The following SH3BGRL2 variants were observed in gnomAD, a reference collection of about 807,000 sequenced individuals.
SH3BGRL2 encodes SH3 domain binding glutamate rich protein like 2.
SH3BGRL2 carries 21 observed loss-of-function variants against 14.8 expected under a neutral mutation model. That is an observed-to-expected ratio of 1.42 (90% CI 1.01 to 2.05). SH3BGRL2 has a LOEUF of 2.05. Ranked by LOEUF, SH3BGRL2 falls within the 30% of genes most tolerant of loss-of-function variation. SH3BGRL2 has a pLI of 0.00. For synonymous variants in SH3BGRL2, 50 were observed against 47.8 expected, an observed-to-expected ratio of 1.05 and a Z score of -0.19; for missense variants, 147 against 130.8, an observed-to-expected ratio of 1.12 and a Z score of -0.61.
the SH3BGRL2 span, among the ~76,000 whole-genome samples, chr6:79,554,578 A>T: frequency 6.6e-6 from 1 of 152,206 alleles, no homozygotes; most frequent in Admixed American, 6.5e-5. Flanking sequence ...AATCCAGTCA[A>T]TTGGAATGTA....
At chr6:79,615,817 CTT>C in the SH3BGRL2 span, among the ~76,000 whole-genome samples, 74 of 124,282 alleles carry the variant, frequency 6.0e-4, 1 homozygote, top group Admixed American at 5.2e-3. Context: ...CCACTCCTGC[CTT>C]TTTTTTTTCT....
chr6:79,589,209 T>A, the SH3BGRL2 span, among the ~76,000 whole-genome samples: 30,739 of 146,286 alleles, frequency 0.21, 3,317 homozygotes, highest in Middle Eastern at 0.41. Flanking sequence ...TATATATATT[T>A]TTTTTTTTTG....
chr6:79,667,907 C>G (rs1300204392), intron 1 of SH3BGRL2, among the ~76,000 whole-genome samples: 2 of 152,186 alleles, frequency 1.3e-5, no homozygotes, highest in Admixed American at 6.5e-5. Context: ...CCACCTCCCC[C>G]CAGTTTTCCT....
In SH3BGRL2 at chr6:79,703,298, C is replaced by T. The variant is rs1347194067; in HGVS notation, c.*3789C>T. 3.9e-5 allele frequency: 6 copies of T among 152,040 alleles called. No individual in the cohort carries two copies. The highest frequency in any genetic ancestry group is 7.4e-5 in the Non-Finnish European group (5 of 67,994). The allele number at this position is 152,040 out of a possible 1,614,324, so 9.4% of individuals were successfully genotyped here. ...TAGAGTGGAGGTAAATTAAGAGCCT[C>T]CAGGCTGTGATTCACCATTTGAGAC... On this transcript the variant is annotated 3_prime_UTR_variant, in exon 4 of 4. Transcript: ENST00000369838.
the SH3BGRL2 span, among the ~76,000 whole-genome samples, chr6:79,584,427 A>G: frequency 6.6e-6 from 1 of 152,214 alleles, no homozygotes; most frequent in Admixed American, 6.6e-5. Flanking sequence ...AATGTAAAAG[A>G]GTCCACTGCC....
In SH3BGRL2 at chr6:79,673,607, T is replaced by C. The variant is rs1439412579; in HGVS notation, c.46-7T>C. On this transcript the variant is annotated splice_polypyrimidine_tract_variant and splice_region_variant and intron_variant, in intron 1 of 3. Coordinates refer to ENST00000369838, the MANE Select transcript of SH3BGRL2 (RefSeq NM_031469.4). Reference sequence around the variant, plus strand: ...TATCTACTTATTTGTTTGTCTTCTCTCTTTAGATAAAGAAGAAGCAGCAAG... The same window carrying C: ...TATCTACTTATTTGTTTGTCTTCTCCCTTTAGATAAAGAAGAAGCAGCAAG... 2.5e-6 allele frequency: 4 copies of C among 1,613,464 alleles called. No homozygotes were observed. The East Asian group carries it at 6.7e-5, about 27-fold the overall frequency.
intron 2 of SH3BGRL2, among the ~76,000 whole-genome samples, chr6:79,675,415 C>T (rs966246514): frequency 3.9e-5 from 6 of 152,152 alleles, no homozygotes; most frequent in Non-Finnish European, 5.9e-5. Context: ...ACATTCACCA[C>T]ATCTTTTGGT....
At chr6:79,613,217 T>A in the SH3BGRL2 span, among the ~76,000 whole-genome samples, 9 of 152,196 alleles carry the variant, frequency 5.9e-5, no homozygotes, top group African/African-American at 2.2e-4. Context: ...AATCTGCAGC[T>A]CAAAAGGAGA....
intron 2 of SH3BGRL2, among the ~76,000 whole-genome samples, chr6:79,682,813 A>G (rs1770013338): frequency 6.6e-6 from 1 of 152,248 alleles, no homozygotes; most frequent in African/African-American, 2.4e-5. Flanking sequence ...AATGTCCATC[A>G]ATGATAGACT....
At chr6:79,659,871 A>G (rs919639649) in intron 1 of SH3BGRL2, among the ~76,000 whole-genome samples, 1 of 151,870 alleles carries the variant, frequency 6.6e-6, no homozygotes, top group Non-Finnish European at 1.5e-5. Flanking sequence ...TGTAAGTTGG[A>G]TTCCTAGGTA....
the SH3BGRL2 span, among the ~76,000 whole-genome samples, chr6:79,553,416 C>G: frequency 2.0e-5 from 3 of 152,318 alleles, no homozygotes; most frequent in Non-Finnish European, 4.4e-5. Context: ...AGTTCATCAT[C>G]TCAATAAAAA....
chr6:79,577,989 G>T, the SH3BGRL2 span, among the ~76,000 whole-genome samples: 1 of 152,218 alleles, frequency 6.6e-6, no homozygotes, highest in Admixed American at 6.5e-5. Flanking sequence ...GGACCGGTGG[G>T]TCCCAGGCCC....
chr6:79,615,833 T>TTTC, the SH3BGRL2 span, among the ~76,000 whole-genome samples: 4 of 33,642 alleles, frequency 1.2e-4, no homozygotes, highest in African/African-American at 2.1e-4. Flanking sequence ...TTTTTCTTTC[T>TTTC]TTTTTTTTTT....
At chr6:79,583,422 C>T in the SH3BGRL2 span, among the ~76,000 whole-genome samples, 1 of 152,124 alleles carries the variant, frequency 6.6e-6, no homozygotes, top group Non-Finnish European at 1.5e-5. Flanking sequence ...GAAAATGTGG[C>T]ATATATACAC....
At chr6:79,559,415 C>T in the SH3BGRL2 span, among the ~76,000 whole-genome samples, 14 of 152,174 alleles carry the variant, frequency 9.2e-5, no homozygotes, top group African/African-American at 2.9e-4. Context: ...AACATTCCAG[C>T]CAGGCATGGA....
the SH3BGRL2 span, among the ~76,000 whole-genome samples, chr6:79,540,261 T>C: frequency 6.6e-6 from 1 of 151,942 alleles, no homozygotes; most frequent in Non-Finnish European, 1.5e-5. Context: ...AGTAAAACCC[T>C]GTCTCTAATA....
At chr6:79,588,282 C>T in the SH3BGRL2 span, among the ~76,000 whole-genome samples, 2 of 101,486 alleles carry the variant, frequency 2.0e-5, no homozygotes, top group Non-Finnish European at 4.2e-5. Context: ...CAGAACAAGA[C>T]TCTGTCTAAA....
At chr6:79,601,316 G>A in the SH3BGRL2 span, among the ~76,000 whole-genome samples, 1 of 152,080 alleles carries the variant, frequency 6.6e-6, no homozygotes, top group Non-Finnish European at 1.5e-5. Flanking sequence ...AGCCTCCCAA[G>A]TAGCTGGGAC....
At chr6:79,614,618 G>T in the SH3BGRL2 span, among the ~76,000 whole-genome samples, 12 of 152,234 alleles carry the variant, frequency 7.9e-5, no homozygotes, top group East Asian at 2.3e-3. Context: ...CCCCGATGTG[G>T]TGCTGCCACA....
Sources: allele counts gnomAD v4.1 joint callset (sites outside exome capture counted in the v4.1 genomes callset), GRCh38; gene constraint gnomAD v4.1.1; transcripts MANE v1.5; gene names NCBI Gene and HGNC (gene_info 2026-07-23, HGNC 2026-07-21).